LRRTM4: variants seen among roughly 807,000 people sequenced by gnomAD.
LRRTM4 encodes leucine-rich repeat transmembrane neuronal protein 4.
LRRTM4 carries 25 observed loss-of-function variants against 47.6 expected under a neutral mutation model. The ratio of observed to expected loss-of-function variants is 0.53; its 90% CI spans 0.38 to 0.73. The LOEUF (loss-of-function observed/expected upper bound fraction) is 0.73, where lower values mean the gene tolerates loss of function less well. LRRTM4 is among the 30% of genes least tolerant of loss of function. The pLI, the probability that LRRTM4 is intolerant of heterozygous loss-of-function variation, is 0.00. For synonymous variants in LRRTM4, 311 were observed against 269.5 expected, an observed-to-expected ratio of 1.15 and a Z score of -1.51; for missense variants, 638 against 713.4, an observed-to-expected ratio of 0.89 and a Z score of 1.20.
chr2:77,464,004 T>C (rs1676884884), intron 3 of LRRTM4, among the ~76,000 whole-genome samples: 1 of 152,098 alleles, frequency 6.6e-6, no homozygotes, highest in Admixed American at 6.6e-5. Context: ...AGGTACATGG[T>C]GAATGATTCT....
intron 3 of LRRTM4, among the ~76,000 whole-genome samples, chr2:77,064,335 T>TAC (rs912618239): frequency 1.3e-5 from 2 of 152,176 alleles, no homozygotes; most frequent in South Asian, 2.1e-4. Flanking sequence ...ACCTGATAAT[T>TAC]ACCCCATTTA....
chr2:77,084,046 C>A (rs936904278), intron 3 of LRRTM4, among the ~76,000 whole-genome samples: 4 of 151,844 alleles, frequency 2.6e-5, no homozygotes, highest in Non-Finnish European at 4.4e-5. Context: ...ACCTCGTGAT[C>A]CACCCGCCTC....
intron 3 of LRRTM4, among the ~76,000 whole-genome samples, chr2:76,780,102 T>C (rs1558647510): frequency 6.6e-6 from 1 of 152,252 alleles, no homozygotes; most frequent in Admixed American, 6.5e-5. Context: ...CACTCTCTTC[T>C]GGCTTGCAGG....
At chr2:77,174,408 A>G (rs1300789010) in intron 3 of LRRTM4, among the ~76,000 whole-genome samples, 1 of 152,198 alleles carries the variant, frequency 6.6e-6, no homozygotes, top group Non-Finnish European at 1.5e-5. Flanking sequence ...ACTAGGCTGT[A>G]GCATAGGCTT....
intron 3 of LRRTM4, among the ~76,000 whole-genome samples, chr2:77,226,152 A>G (rs1489463204): frequency 3.3e-5 from 5 of 151,816 alleles, no homozygotes; most frequent in African/African-American, 9.7e-5. Context: ...AAAAATCATA[A>G]AAAACAAAAT....
At chr2:77,028,253 A>G (rs971263239) in intron 3 of LRRTM4, among the ~76,000 whole-genome samples, 1 of 152,184 alleles carries the variant, frequency 6.6e-6, no homozygotes, top group African/African-American at 2.4e-5. Flanking sequence ...AAAGGTACAT[A>G]GATTAGGAAA....
At chr2:76,880,488 G>C (rs746429033) in intron 3 of LRRTM4, among the ~76,000 whole-genome samples, 1 of 152,064 alleles carries the variant, frequency 6.6e-6, no homozygotes, top group Non-Finnish European at 1.5e-5. Context: ...GTAAACTAGA[G>C]TAGAGTTTAA....
intron 3 of LRRTM4, among the ~76,000 whole-genome samples, chr2:77,166,187 A>G (rs1046594882): frequency 2.0e-5 from 3 of 152,208 alleles, no homozygotes; most frequent in Non-Finnish European, 4.4e-5. Context: ...GAGCCAAATC[A>G]TGAGTGAACT....
intron 3 of LRRTM4, among the ~76,000 whole-genome samples, chr2:76,843,909 A>ATTT (rs60754198): frequency 4.4e-5 from 6 of 137,442 alleles, no homozygotes; most frequent in Admixed American, 1.5e-4. Flanking sequence ...TTCTTTTTTC[A>ATTT]TTTTTTTTTT....
intron 3 of LRRTM4, among the ~76,000 whole-genome samples, chr2:76,879,837 G>T (rs1672878767): frequency 6.6e-6 from 1 of 152,198 alleles, no homozygotes; most frequent in African/African-American, 2.4e-5. Context: ...ATTAATAGGA[G>T]TCTGGAAGAA....
chr2:77,220,456 GA>G (rs1201532765), intron 3 of LRRTM4, among the ~76,000 whole-genome samples: 1 of 152,058 alleles, frequency 6.6e-6, no homozygotes, highest in Non-Finnish European at 1.5e-5. Context: ...TAAAAACGTT[GA>G]AAAAAATTAG....
Position 77,516,663 on chromosome 2 carries a change from C to T in LRRTM4, c.1551+1655G>A, listed in dbSNP as rs142181461. 2.4e-4 allele frequency: 232 copies of T among 980,102 alleles called. 1 individual carries two copies. In the African/African-American group the frequency reaches 3.8e-3, roughly 16 times the overall value. 60.7% of individuals were successfully genotyped at this position (980,102 alleles called of 1,614,324 possible). ...AATAAAAACATCAAGCCTTGTTAGA[C>T]TTTTATAGAAAATCTTTTATTCTTT... is the stretch of plus-strand genomic sequence containing the variant. On this transcript the variant is annotated intron_variant, in intron 3 of 3. Transcript: ENST00000409884.
At chr2:77,070,049 T>TTATA (rs575762096) in intron 3 of LRRTM4, among the ~76,000 whole-genome samples, 2 of 146,728 alleles carry the variant, frequency 1.4e-5, no homozygotes, top group African/African-American at 5.4e-5. Flanking sequence ...ACAGATCAGA[T>TTATA]TATATATATA....
intron 3 of LRRTM4, among the ~76,000 whole-genome samples, chr2:77,493,307 C>A (rs139875315): frequency 2.6e-5 from 4 of 151,790 alleles, no homozygotes; most frequent in Admixed American, 2.6e-4. Flanking sequence ...GAAAATGAAT[C>A]GGTAATAAGA....
rs146746909 is a variant in LRRTM4 at position 77,416,684 on chromosome 2, C to G, written c.1551+101634G>C. On this transcript the variant is annotated intron_variant, in intron 3 of 3. Transcript: ENST00000409884. ...AATCATACCACTTCAGACAAAACCA[C>G]CAGAAATAGGCATCCCATGTTTAAT... Among the ~76,000 whole-genome samples, 125 of 151,918 alleles carry G rather than the reference C, an allele frequency of 8.2e-4. No homozygotes were observed. The East Asian group carries it at 0.02, about 24-fold the overall frequency.
At chr2:77,305,159 A>AT (rs34237750) in intron 3 of LRRTM4, among the ~76,000 whole-genome samples, 2 of 152,000 alleles carry the variant, frequency 1.3e-5, no homozygotes, top group Non-Finnish European at 2.9e-5. Context: ...TGATTTAATT[A>AT]TTTTTTTCTA....
intron 3 of LRRTM4, among the ~76,000 whole-genome samples, chr2:77,376,015 G>A (rs1672827141): frequency 6.6e-6 from 1 of 151,676 alleles, no homozygotes; most frequent in Non-Finnish European, 1.5e-5. Context: ...ACTTGTTCCT[G>A]TTGTGACTGG....
At chr2:77,060,527 CTT>C (rs890627926) in intron 3 of LRRTM4, among the ~76,000 whole-genome samples, 2 of 151,846 alleles carry the variant, frequency 1.3e-5, no homozygotes, top group African/African-American at 4.8e-5. Context: ...ATTAAAATGA[CTT>C]GAATATTTTG....
chr2:77,045,426 T>C (rs1362198291), intron 3 of LRRTM4, among the ~76,000 whole-genome samples: 1 of 151,948 alleles, frequency 6.6e-6, no homozygotes, highest in Admixed American at 6.6e-5. Flanking sequence ...ATTATTCACC[T>C]TTTAAAACAA....
Sources: gnomAD v4.1 joint callset for allele counts (sites outside exome capture counted in the v4.1 genomes callset) on GRCh38, gnomAD v4.1.1 for gene constraint, MANE v1.5 for transcripts, NCBI Gene and HGNC (gene_info 2026-07-23, HGNC 2026-07-21) for gene names.